Variants in STK10 observed in about 807,000 individuals in gnomAD.
STK10 encodes serine/threonine-protein kinase 10.
Under a neutral mutation model 113.8 loss-of-function variants are expected in STK10, and 78 were observed. That is an observed-to-expected ratio of 0.69 (90% CI 0.57 to 0.83). The LOEUF (loss-of-function observed/expected upper bound fraction) is 0.83, where lower values mean the gene tolerates loss of function less well. Among genes scored for constraint, STK10 ranks in the 40% least tolerant of loss-of-function variants. STK10 has a pLI of 0.00. For missense variants in STK10, 1,109 were observed against 1,280.1 expected (o/e 0.87, Z 2.04); for synonymous variants, 465 against 494.7 (o/e 0.94, Z 0.80).
rs755538504 is a variant in STK10, at chr5:172,045,062, G to A, written c.2767-40C>T. On this transcript the variant is annotated intron_variant, in intron 18 of 18. Coordinates refer to ENST00000176763, the MANE Select transcript of STK10 (RefSeq NM_005990.4). ...GGATGGATGGCACTTGGTGAGATCT[G>A]CAGGCCACACGTGGGTCTCCCACTC... The A allele has an allele frequency of 1.9e-6, 3 of 1,608,172 alleles. No individual in the cohort carries two copies. The South Asian group carries it at 3.3e-5, about 18-fold the overall frequency.
chr5:172,090,145 A>T (rs1158285593), intron 10 of STK10, 87 bp downstream of exon 10: 4 of 1,547,964 alleles, frequency 2.6e-6, no homozygotes, highest in Non-Finnish European at 1.8e-6. Flanking sequence ...CTGTAGACAG[A>T]CAGCCCTCTC....
At chr5:172,080,942 T>C (rs866772562) in intron 12 of STK10, among the ~76,000 whole-genome samples, 4 of 152,220 alleles carry the variant, frequency 2.6e-5, no homozygotes, top group Admixed American at 6.5e-5. Flanking sequence ...GAGAAGTCAA[T>C]GCCTGGCTTC....
intron 1 of STK10, among the ~76,000 whole-genome samples, chr5:172,185,301 G>C (rs1472229369): frequency 6.6e-6 from 1 of 151,702 alleles, no homozygotes; most frequent in Non-Finnish European, 1.5e-5. Context: ...ACAGAGTCTC[G>C]CTCTGTCGCC....
At chr5:172,053,550 C>T (rs910740772) in intron 17 of STK10, among the ~76,000 whole-genome samples, 1 of 152,222 alleles carries the variant, frequency 6.6e-6, no homozygotes, top group Non-Finnish European at 1.5e-5. Flanking sequence ...CTTCTAACCT[C>T]GCTGTTCTTT....
At chr5:172,045,163 C>T in intron 18 of STK10, 141 bp from the exon 19 acceptor site, 1 of 1,275,598 alleles carries the variant, frequency 7.8e-7, no homozygotes, top group Non-Finnish European at 1.1e-6. Flanking sequence ...TACGGCTTCC[C>T]TATTTCCTAC....
chr5:172,070,612 C>T (rs1217974245), intron 12 of STK10, among the ~76,000 whole-genome samples: 1 of 151,766 alleles, frequency 6.6e-6, no homozygotes, highest in Non-Finnish European at 1.5e-5. Flanking sequence ...GCAATTTAAA[C>T]CCAAGACTAA....
At chr5:172,102,554 G>C (rs778207523) in intron 7 of STK10, among the ~76,000 whole-genome samples, 49 of 152,270 alleles carry the variant, frequency 3.2e-4, no homozygotes, top group Middle Eastern at 3.4e-3. Flanking sequence ...TGGGGCAAAG[G>C]GGGGCGAGCA....
chr5:172,173,614 G>A lies in STK10; in HGVS notation c.156+14273C>T, dbSNP rs561000764. Among the ~76,000 whole-genome samples, 4 of 152,270 alleles carry A rather than the reference G, an allele frequency of 2.6e-5. No homozygotes were observed. In the South Asian group the frequency reaches 8.3e-4, roughly 31 times the overall value. On this transcript the variant is annotated intron_variant, in intron 1 of 18. Transcript: ENST00000176763. ...GTAGCCCTGTGCCGTCTCCAGGCTG[G>A]GATGCAGGCTTATTTTATCTTCATA...
chr5:172,114,473 A>ATATATATATTTTT (rs1226289994), intron 4 of STK10: 4 of 47,538 alleles, frequency 8.4e-5, no homozygotes, highest in African/African-American at 4.2e-4. Context: ...ATATATATAT[A>ATATATATATTTTT]TTTTTTTTTT....
chr5:172,101,395 CA>C (rs1768985853), intron 7 of STK10, among the ~76,000 whole-genome samples: 1 of 150,500 alleles, frequency 6.6e-6, no homozygotes, highest in African/African-American at 2.5e-5. Flanking sequence ...CACTTGAACC[CA>C]GGGGGTGGAG....
chr5:172,076,080 G>T (rs1768298406), intron 12 of STK10, among the ~76,000 whole-genome samples: 1 of 151,772 alleles, frequency 6.6e-6, no homozygotes, highest in African/African-American at 2.4e-5. Flanking sequence ...AATGGTCTTA[G>T]ATCAGGGTTT....
chr5:172,065,951 T>C (rs1768061235), intron 12 of STK10, among the ~76,000 whole-genome samples: 1 of 152,210 alleles, frequency 6.6e-6, no homozygotes, highest in East Asian at 1.9e-4. Flanking sequence ...ATTGGGTTTC[T>C]GTCTTTTATA....
chr5:172,096,612 G>T, intron 7 of STK10, 52 bp from the exon 8 acceptor site: 1 of 1,599,058 alleles, frequency 6.3e-7, no homozygotes, highest in Non-Finnish European at 8.5e-7. Context: ...TCACGGTGGG[G>T]TGGAAGAGGC....
At chr5:172,159,824 A>G (rs1770431231) in intron 1 of STK10, among the ~76,000 whole-genome samples, 1 of 151,064 alleles carries the variant, frequency 6.6e-6, no homozygotes. Context: ...CTCTGTCTCA[A>G]AAAAAATAAA....
rs75713687 is a variant in STK10, at chr5:172,097,539, T to G, written c.871-979A>C. ...AGTCTTTCGCGTTGGCTTCCTTTAC[T>G]CAGCGTCATGACTGTGAGATTCACC... is the stretch of plus-strand genomic sequence containing the variant. On this transcript the variant is annotated intron_variant, in intron 7 of 18. Coordinates refer to ENST00000176763, the MANE Select transcript of STK10 (RefSeq NM_005990.4). 7.8e-3 allele frequency among the ~76,000 whole-genome samples: 1,183 copies of G among 152,334 alleles called. 19 individuals are homozygous for G. Among genetic ancestry groups the G allele is most frequent in the African/African-American group, 0.026 (1,099 of 41,576 alleles).
chr5:172,156,684 G>A lies in STK10; in HGVS notation c.261C>T (p.Thr87=). ...GCTTCACAATGTAGGGGTGGTCGCAGGTGGCCAGGATCTCAATCTCCACGA... is the reference window on the plus strand; with the variant it reads ...GCTTCACAATGTAGGGGTGGTCGCAAGTGGCCAGGATCTCAATCTCCACGA... ...DYIVEIEILA[T]CDHPYIVKLL... The change falls in exon 2 of 19, where the codon ACC becomes ACT. Residue 87 remains threonine, a synonymous_variant. Coordinates refer to ENST00000176763, the MANE Select transcript of STK10 (RefSeq NM_005990.4). 1.2e-6 allele frequency: 2 copies of A among 1,614,146 alleles called. No homozygotes were observed. The highest frequency in any genetic ancestry group is 2.2e-5 in the South Asian group (2 of 91,082).
At chr5:172,076,638 C>A (rs1188094221) in intron 12 of STK10, among the ~76,000 whole-genome samples, 1 of 152,206 alleles carries the variant, frequency 6.6e-6, no homozygotes, top group Non-Finnish European at 1.5e-5. Flanking sequence ...TTGGCCCCCA[C>A]GGAACAAAAT....
chr5:172,094,421 G>C (rs1188231914), intron 8 of STK10, among the ~76,000 whole-genome samples: 1 of 151,648 alleles, frequency 6.6e-6, no homozygotes, highest in Non-Finnish European at 1.5e-5. Flanking sequence ...GGAGTGTAGT[G>C]GTGCCATCTT....
At chr5:172,114,769 C>T (rs1369489805) in intron 4 of STK10, 1 of 151,964 alleles carries the variant, frequency 6.6e-6, no homozygotes, top group Non-Finnish European at 1.5e-5. Flanking sequence ...AGGCGTGAGC[C>T]ACCGCACCCG....
Sources: gnomAD v4.1 joint callset for allele counts (sites outside exome capture counted in the v4.1 genomes callset) on GRCh38, gnomAD v4.1.1 for gene constraint, MANE v1.5 for transcripts, NCBI Gene and HGNC (gene_info 2026-07-23, HGNC 2026-07-21) for gene names.